The following THSD7B variants were observed in gnomAD, a reference collection of about 807,000 sequenced individuals.
THSD7B encodes the protein thrombospondin type-1 domain-containing protein 7B.
THSD7B carries 138 observed loss-of-function variants against 213.6 expected under a neutral mutation model. That is an observed-to-expected ratio of 0.65 (90% CI 0.56 to 0.74). The LOEUF (loss-of-function observed/expected upper bound fraction) is 0.74. THSD7B is among the 30% of genes least tolerant of loss of function. The pLI, the probability that THSD7B is intolerant of heterozygous loss-of-function variation, is 0.00. For synonymous variants in THSD7B, 742 were observed against 687.0 expected (o/e 1.08, Z -1.25); for missense variants, 1,931 against 1,991.5 (o/e 0.97, Z 0.58).
intron 12 of THSD7B, among the ~76,000 whole-genome samples, chr2:137,306,822 C>T (rs1338564280): frequency 6.6e-6 from 1 of 151,896 alleles, no homozygotes; most frequent in Non-Finnish European, 1.5e-5. Context: ...TATTTTGTAG[C>T]ATGTTTTTAA....
intron 20 of THSD7B, among the ~76,000 whole-genome samples, chr2:137,631,598 T>G (rs1364381113): frequency 6.6e-6 from 1 of 152,132 alleles, no homozygotes; most frequent in African/African-American, 2.4e-5. Context: ...TTTTTCTAGG[T>G]TTCAAGGGCA....
At chr2:137,152,556 G>A (rs1263395436) in intron 5 of THSD7B, among the ~76,000 whole-genome samples, 2 of 152,190 alleles carry the variant, frequency 1.3e-5, no homozygotes, top group African/African-American at 2.4e-5. Context: ...GTACGCACCT[G>A]AGTGGTTGTG....
intron 5 of THSD7B, among the ~76,000 whole-genome samples, chr2:137,144,099 A>T (rs188178835): frequency 8.7e-4 from 133 of 152,184 alleles, no homozygotes; most frequent in African/African-American, 3.1e-3. Context: ...CATCATTTGA[A>T]TTAAAATGTC....
intron 3 of THSD7B, among the ~76,000 whole-genome samples, chr2:137,077,980 T>C (rs1687666373): frequency 6.6e-6 from 1 of 152,206 alleles, no homozygotes. Flanking sequence ...AAGTCTTTAA[T>C]CCATCTTGAA....
intron 2 of THSD7B, among the ~76,000 whole-genome samples, chr2:137,001,901 T>C (rs975919767): frequency 6.6e-6 from 1 of 152,198 alleles, no homozygotes; most frequent in Non-Finnish European, 1.5e-5. Context: ...TTTTTCTTTT[T>C]TCTTATAAAA....
chr2:137,558,861 CAA>C (rs1238594188), intron 15 of THSD7B, among the ~76,000 whole-genome samples: 1 of 152,184 alleles, frequency 6.6e-6, no homozygotes, highest in Non-Finnish European at 1.5e-5. Flanking sequence ...GCAACTCCAG[CAA>C]AGTCTCAGGA....
intron 15 of THSD7B, among the ~76,000 whole-genome samples, chr2:137,562,347 T>C (rs1323779459): frequency 6.6e-6 from 1 of 152,076 alleles, no homozygotes; most frequent in Non-Finnish European, 1.5e-5. Context: ...ATTCTTTTTC[T>C]TACCTAGAAA....
chr2:137,543,621 C>T (rs1680647747), intron 15 of THSD7B, among the ~76,000 whole-genome samples: 1 of 151,696 alleles, frequency 6.6e-6, no homozygotes, highest in African/African-American at 2.4e-5. Context: ...TAAATTGGAC[C>T]TTATCAAAAT....
At chr2:137,658,405 G>A (rs1252905878) in intron 24 of THSD7B, among the ~76,000 whole-genome samples, 1 of 152,106 alleles carries the variant, frequency 6.6e-6, no homozygotes, top group Non-Finnish European at 1.5e-5. Context: ...TGATGAAGAA[G>A]CTCAGGTCAT....
At chr2:137,281,026 T>C (rs1165208101) in intron 12 of THSD7B, among the ~76,000 whole-genome samples, 1 of 152,166 alleles carries the variant, frequency 6.6e-6, no homozygotes, top group Non-Finnish European at 1.5e-5. Context: ...ATTATGGCAC[T>C]GTAATGGATA....
In THSD7B at chr2:137,110,139, C is replaced by T. The variant is rs534285790; in HGVS notation, c.1200-4985C>T. 2.6e-5 allele frequency among the ~76,000 whole-genome samples: 4 copies of T among 152,296 alleles called. No homozygotes were observed. In the East Asian group the frequency reaches 7.7e-4, roughly 29 times the overall value. On this transcript the variant is annotated intron_variant, in intron 4 of 27. Transcript: ENST00000409968. ...TCCTCGTCCATCTCTCTCTCCCCAC[C>T]TGGTAACTGGTGCCATGCCATGTAT... is the stretch of plus-strand genomic sequence containing the variant.
intron 14 of THSD7B, among the ~76,000 whole-genome samples, chr2:137,415,196 A>G (rs1200457359): frequency 6.6e-6 from 1 of 152,124 alleles, no homozygotes; most frequent in Non-Finnish European, 1.5e-5. Flanking sequence ...CATTTTAGAC[A>G]TGAGCAGGAT....
At position 136,867,633 on chromosome 2, in the gene THSD7B, T is replaced by C. The variant is rs147421299; in HGVS notation, c.-35-14511T>C. Among the ~76,000 whole-genome samples, 42 of 152,356 alleles carry C rather than the reference T, an allele frequency of 2.8e-4. 1 individual carries two copies. The East Asian group carries it at 7.5e-3, about 27-fold the overall frequency. ...TGTTTAATTAAAATCTTTCTGCTGA[T>C]GGAAAGTTCTCTCTCTGGTGTTTTC... On this transcript the variant is annotated intron_variant, in intron 1 of 27. Transcript: ENST00000409968.
chr2:136,852,326 A>G (rs1683110866), intron 1 of THSD7B, among the ~76,000 whole-genome samples: 1 of 151,974 alleles, frequency 6.6e-6, no homozygotes, highest in South Asian at 2.1e-4. Context: ...AACAAAACAA[A>G]ACAAAACAAA....
intron 14 of THSD7B, among the ~76,000 whole-genome samples, chr2:137,425,021 G>A (rs1687013740): frequency 6.6e-6 from 1 of 150,984 alleles, no homozygotes; most frequent in African/African-American, 2.4e-5. Flanking sequence ...ACAGTGAGCG[G>A]AGATCGCGCC....
intron 15 of THSD7B, among the ~76,000 whole-genome samples, chr2:137,526,687 G>GT (rs1680286865): frequency 1.3e-5 from 2 of 152,114 alleles, no homozygotes; most frequent in South Asian, 4.1e-4. Context: ...GCCTCCCAAA[G>GT]TGCTGGGATT....
At chr2:137,554,501 G>C (rs966604241) in intron 15 of THSD7B, among the ~76,000 whole-genome samples, 4 of 152,180 alleles carry the variant, frequency 2.6e-5, no homozygotes, top group Non-Finnish European at 5.9e-5. Context: ...GTATGAAATA[G>C]ACATATAGTT....
chr2:137,392,086 T>G (rs1382340944), intron 12 of THSD7B, among the ~76,000 whole-genome samples: 3 of 152,240 alleles, frequency 2.0e-5, no homozygotes, highest in Non-Finnish European at 2.9e-5. Context: ...CTTTCTAGTT[T>G]TATTCTGCTA....
chr2:137,574,163 A>G (rs1240125046), intron 17 of THSD7B, among the ~76,000 whole-genome samples: 1 of 152,088 alleles, frequency 6.6e-6, no homozygotes, highest in Admixed American at 6.6e-5. Context: ...TCGCAATGAA[A>G]ACATTGCCGT....
Sources: gnomAD v4.1 joint callset for allele counts (sites outside exome capture counted in the v4.1 genomes callset) on GRCh38, gnomAD v4.1.1 for gene constraint, MANE v1.5 for transcripts, NCBI Gene and HGNC (gene_info 2026-07-23, HGNC 2026-07-21) for gene names.